The following RNF213 variants were observed in gnomAD, a reference collection of about 807,000 sequenced individuals.
The protein encoded by RNF213 is ring finger protein 213.
A neutral mutation model predicts 514.4 loss-of-function variants in RNF213; 341 were observed. That is an observed-to-expected ratio of 0.66 (90% CI 0.61 to 0.73). RNF213 has a LOEUF of 0.73. Among genes scored for constraint, RNF213 ranks in the 30% least tolerant of loss-of-function variants. RNF213 has a pLI of 0.00. For missense variants in RNF213, 5,767 were observed against 6,615.6 expected (o/e 0.87, Z 4.45); for synonymous variants, 2,655 against 2,658.2 (o/e 1.00, Z 0.04).
At chr17:80,292,411 G>T (rs2044765033) in intron 8 of RNF213, among the ~76,000 whole-genome samples, 2 of 152,188 alleles carry the variant, frequency 1.3e-5, no homozygotes, top group African/African-American at 4.8e-5. Flanking sequence ...AACGAAGCCA[G>T]AAGAAGGGCT....
At chr17:80,267,217 CAA>C (rs201148773) in intron 2 of RNF213, among the ~76,000 whole-genome samples, 4 of 111,862 alleles carry the variant, frequency 3.6e-5, no homozygotes, top group Non-Finnish European at 1.9e-5. Flanking sequence ...GACTCTGTCT[CAA>C]AAAAAAAAAA....
chr17:80,339,139 A>G, intron 25 of RNF213, 62 bp from the exon 26 acceptor site: 1 of 1,357,422 alleles, frequency 7.4e-7, no homozygotes, highest in Non-Finnish European at 9.8e-7. Context: ...GTGCTGTTGC[A>G]GAGTAGCGTG....
chr17:80,277,841 G>A (rs911781099), intron 3 of RNF213, among the ~76,000 whole-genome samples: 1 of 152,200 alleles, frequency 6.6e-6, no homozygotes, highest in Non-Finnish European at 1.5e-5. Flanking sequence ...TAGGAGCCAA[G>A]GGAGGCGGCC....
In RNF213 at chr17:80,374,707, A is replaced by G. The variant is rs2079674168; in HGVS notation, c.13074+118A>G. 2.4e-6 allele frequency: 3 copies of G among 1,258,448 alleles called. No individual in the cohort carries two copies. The African/African-American group carries it at 4.5e-5, about 19-fold the overall frequency. 78.0% of individuals were successfully genotyped at this position (1,258,448 alleles called of 1,614,324 possible). ...GACCACTGATGCAGCCCATCACGTG[A>G]CACTGTATTGGAAGTCACGTGCCCA... On this transcript the variant is annotated intron_variant, in intron 50 of 67. Transcript: ENST00000582970.
rs1450738808 is a variant in RNF213, at chr17:80,334,276, A to C, written c.4309+6A>C. 2.0e-6 allele frequency: 3 copies of C among 1,531,954 alleles called. No individual in the cohort carries two copies. Among genetic ancestry groups the C allele is most frequent in the African/African-American group, 1.4e-5 (1 of 72,826 alleles). The allele number at this position is 1,531,954 out of a possible 1,614,324, so 94.9% of individuals were successfully genotyped here. ...GGTCCGGGAGGCTCTTGGAGGTAAA[A>C]TCAGCCTTTGGGGTTGCGTGGAAGT... On this transcript the variant is annotated splice_donor_region_variant and intron_variant, in intron 22 of 67. Coordinates refer to ENST00000582970, the MANE Select transcript of RNF213 (RefSeq NM_001256071.3).
intron 2 of RNF213, among the ~76,000 whole-genome samples, chr17:80,269,418 TCCATCCATTC>T (rs1162579432): frequency 1.3e-5 from 2 of 149,272 alleles, no homozygotes; most frequent in South Asian, 2.2e-4. Context: ...TATCCATCCA[TCCATCCATTC>T]ATCTATTCTA....
chr17:80,308,969 G>T, intron 13 of RNF213, 49 bp from the exon 14 acceptor site: 1 of 1,611,128 alleles, frequency 6.2e-7, no homozygotes, highest in Non-Finnish European at 8.5e-7. Flanking sequence ...CCATTTTCTG[G>T]CTTCTCCTAA....
At position 80,332,149 on chromosome 17, in the gene RNF213, G is replaced by A. The variant is rs2046433276; in HGVS notation, c.3661G>A (p.Ala1221Thr). ...YHLSSQVQEM[A>T]GKIDLLRDSH... ...CCTGAGCTCCCAGGTCCAAGAAATG[G>A]CTGGGAAGATAGACTTGCTCAGAGA... Residue 1221 changes from alanine (A) to threonine (T), a missense_variant, in exon 21 of 68, where the codon GCT becomes ACT. Coordinates refer to ENST00000582970, the MANE Select transcript of RNF213 (RefSeq NM_001256071.3). The A allele has an allele frequency of 4.6e-6, 7 of 1,537,086 alleles. No individual in the cohort carries two copies. Among genetic ancestry groups the A allele is most frequent in the East Asian group, 2.4e-5 (1 of 40,928 alleles).
intron 17 of RNF213, among the ~76,000 whole-genome samples, chr17:80,323,836 G>GGC (rs1555656951): frequency 6.5e-5 from 6 of 91,828 alleles, no homozygotes; most frequent in East Asian, 2.0e-4. Flanking sequence ...CTTTTTTTTG[G>GGC]GGGGGGGTGC....
chr17:80,324,979 C>G, intron 17 of RNF213, 51 bp from the exon 18 acceptor site: 1 of 1,504,380 alleles, frequency 6.6e-7, no homozygotes, highest in Non-Finnish European at 8.9e-7. Flanking sequence ...TATTTCAAAA[C>G]AAACTAATGA....
At chr17:80,350,526 C>G (rs558872131) in intron 31 of RNF213, 130 bp downstream of exon 31, 7 of 682,408 alleles carry the variant, frequency 1.0e-5, no homozygotes, top group Non-Finnish European at 1.3e-5. Context: ...ATTCTTCCCC[C>G]GCCTCATTCC....
chr17:80,381,895 G>A (rs556127653), intron 57 of RNF213, 168 bp downstream of exon 57: 12 of 710,378 alleles, frequency 1.7e-5, no homozygotes, highest in East Asian at 8.2e-5. Context: ...TAGGGAAGGC[G>A]ATGCCTGGGG....
chr17:80,304,533 G>T (rs1020154098), intron 11 of RNF213, among the ~76,000 whole-genome samples: 1 of 147,926 alleles, frequency 6.8e-6, no homozygotes, highest in African/African-American at 2.4e-5. Flanking sequence ...ACAGCTACTG[G>T]GGAGGCTGAG....
At chr17:80,293,594 C>T (rs1032674261) in intron 8 of RNF213, among the ~76,000 whole-genome samples, 4 of 151,860 alleles carry the variant, frequency 2.6e-5, no homozygotes, top group Non-Finnish European at 5.9e-5. Context: ...GAGGCCGAGG[C>T]GGGCGGATCA....
rs1409215881 is a variant in RNF213, at chr17:80,358,306, G to A, written c.10881G>A (p.Arg3627=). The A allele has an allele frequency of 6.2e-7, 1 of 1,613,924 alleles. No individual in the cohort carries two copies. The highest frequency in any genetic ancestry group is 8.5e-7 in the Non-Finnish European group (1 of 1,179,974). ...GCTGCAGGCACACCCTCTGGAAGCG[G>A]GTCCAAGGTGCTGTCACCCCTCTGC... ...AGTFRHTLWK[R]VQGAVTPLLA... The change falls in exon 37 of 68, where the codon CGG becomes CGA. Residue 3627 remains arginine, a synonymous_variant. Coordinates refer to ENST00000582970, the MANE Select transcript of RNF213 (RefSeq NM_001256071.3).
chr17:80,296,271 C>T (rs943717717), intron 10 of RNF213, among the ~76,000 whole-genome samples: 15 of 152,202 alleles, frequency 9.9e-5, no homozygotes, highest in African/African-American at 2.4e-4. Context: ...CCACCCACCT[C>T]GGCCTCCCAA....
intron 18 of RNF213, among the ~76,000 whole-genome samples, chr17:80,327,531 G>T (rs2143924473): frequency 6.6e-6 from 1 of 152,238 alleles, no homozygotes; most frequent in South Asian, 2.1e-4. Context: ...GGGGACGTGG[G>T]TTTTAACCTG....
Position 80,388,628 on chromosome 17 carries a change from T to G in RNF213, c.14939T>G (p.Val4980Gly). 1 of 1,611,620 alleles carries G rather than the reference T, an allele frequency of 6.2e-7. No individual in the cohort carries two copies. The highest frequency in any genetic ancestry group is 8.5e-7 in the Non-Finnish European group (1 of 1,178,086). ...RLSLKGIPTL[V>G]YRHDWNYEHL... The stretch of plus-strand genomic sequence containing the variant: ...CCAATTTAGGGAATACCCACTCTGG[T>G]GTACAGACACGACTGGAACTATGAA... The change falls in exon 64 of 68, where the codon GTG becomes GGG. Residue 4980 changes from valine (V) to glycine (G), a missense_variant. Physicochemically the swap from Val to Gly is moderately radical, Grantham distance 109. Coordinates refer to ENST00000582970, the MANE Select transcript of RNF213 (RefSeq NM_001256071.3).
intron 44 of RNF213, among the ~76,000 whole-genome samples, chr17:80,369,197 G>A (rs1247556906): frequency 1.3e-5 from 2 of 151,852 alleles, no homozygotes; most frequent in African/African-American, 2.4e-5. Context: ...TCAGCAGTTC[G>A]AAACCAGCCT....
Sources: gnomAD v4.1 joint callset for allele counts (sites outside exome capture counted in the v4.1 genomes callset) on GRCh38, gnomAD v4.1.1 for gene constraint, MANE v1.5 for transcripts, NCBI Gene and HGNC (gene_info 2026-07-23, HGNC 2026-07-21) for gene names.